The following FCN2 variants were observed in gnomAD, a reference collection of about 807,000 sequenced individuals.
The protein encoded by FCN2 is ficolin 2.
Under a neutral mutation model 32.5 loss-of-function variants are expected in FCN2, and 31 were observed. The ratio of observed to expected loss-of-function variants is 0.96; its 90% confidence interval spans 0.72 to 1.29. FCN2 has a LOEUF of 1.29. Among genes scored for constraint, FCN2 ranks in the 50% most tolerant of loss-of-function variants. The pLI, the probability that FCN2 is intolerant of heterozygous loss-of-function variation, is 0.00. For synonymous variants in FCN2, 181 were observed against 164.5 expected (o/e 1.10, Z -0.77); for missense variants, 412 against 406.5 (o/e 1.01, Z -0.12).
At chr9:134,880,357 C>T (rs1193149310), upstream of FCN2, among the ~76,000 whole-genome samples, 2 of 152,294 alleles carry the variant, frequency 1.3e-5, no homozygotes, top group Middle Eastern at 3.4e-3. Flanking sequence ...CAAGTCTGCT[C>T]ATGATGTGGT....
chr9:134,864,512 T>C, the FCN2 span, among the ~76,000 whole-genome samples: 9 of 152,034 alleles, frequency 5.9e-5, no homozygotes, highest in African/African-American at 2.2e-4. Context: ...GAGGTTACAG[T>C]GGGTGGCTGC....
intron 3 of FCN2, among the ~76,000 whole-genome samples, chr9:134,884,286 G>C (rs967379889): frequency 1.3e-5 from 2 of 152,070 alleles, no homozygotes; most frequent in African/African-American, 4.8e-5. Flanking sequence ...CTCAGAATAA[G>C]ACCACCCTAC....
At chr9:134,884,562 G>C (rs2133003895) in intron 3 of FCN2, among the ~76,000 whole-genome samples, 178 bp from the exon 4 acceptor site, 1 of 152,328 alleles carries the variant, frequency 6.6e-6, no homozygotes, top group East Asian at 1.9e-4. Flanking sequence ...GGCCAGTGTA[G>C]GCATCCCTCG....
At chr9:134,881,158 G>C (rs1249196726) in intron 1 of FCN2, among the ~76,000 whole-genome samples, 6 of 152,238 alleles carry the variant, frequency 3.9e-5, no homozygotes, top group African/African-American at 1.2e-4. Context: ...AACCGAGGCA[G>C]GTTTCCAGTC....
At chr9:134,864,927 A>G in the FCN2 span, among the ~76,000 whole-genome samples, 1 of 152,236 alleles carries the variant, frequency 6.6e-6, no homozygotes, top group African/African-American at 2.4e-5. Context: ...CAGAGCATGC[A>G]GCAGGGCCGT....
chr9:134,874,834 G>A, the FCN2 span, among the ~76,000 whole-genome samples: 1 of 152,122 alleles, frequency 6.6e-6, no homozygotes, highest in Non-Finnish European at 1.5e-5. Flanking sequence ...TCCTATCCAT[G>A]AACTAGGTAT....
At position 134,887,282 on chromosome 9, in the gene FCN2, G is replaced by T; in HGVS notation, c.809G>T (p.Cys270Phe). The change falls in exon 8 of 8, where the codon TGC becomes TTC. Residue 270 changes from cysteine to phenylalanine, a missense_variant. By Grantham distance (205) the Cys-to-Phe change is radical (BLOSUM62 -2). Coordinates refer to ENST00000291744, the MANE Select transcript of FCN2 (RefSeq NM_004108.3). ...MFQGAWWYKN[C>F]HVSNLNGRYL... ...CAGGGAGCTTGGTGGTACAAAAACT[G>T]CCATGTGTCAAACCTGAATGGTCGC... 1 of 1,614,178 alleles carries T rather than the reference G, an allele frequency of 6.2e-7. No individual in the cohort carries two copies.
At chr9:134,873,849 C>A in the FCN2 span, among the ~76,000 whole-genome samples, 1,283 of 150,684 alleles carry the variant, frequency 8.5e-3, 22 homozygotes, top group African/African-American at 0.03. Context: ...TTAACACAGT[C>A]TTTTAAATGG....
At chr9:134,873,369 T>C in the FCN2 span, among the ~76,000 whole-genome samples, 1 of 152,234 alleles carries the variant, frequency 6.6e-6, no homozygotes, top group East Asian at 1.9e-4. Context: ...TTCGTTGTCT[T>C]TTCCAGCTTT....
At chr9:134,873,302 A>C in the FCN2 span, among the ~76,000 whole-genome samples, 1 of 152,220 alleles carries the variant, frequency 6.6e-6, no homozygotes, top group African/African-American at 2.4e-5. Context: ...TCAGAAGCCT[A>C]AAATCAAGTT....
At chr9:134,864,416 C>A in the FCN2 span, among the ~76,000 whole-genome samples, 1 of 152,186 alleles carries the variant, frequency 6.6e-6, no homozygotes, top group Non-Finnish European at 1.5e-5. Context: ...AAGACAGCGG[C>A]CCTGAGGCTG....
chr9:134,886,265 C>A (rs1830753446), intron 6 of FCN2, among the ~76,000 whole-genome samples, 165 bp from the exon 7 acceptor site: 1 of 152,196 alleles, frequency 6.6e-6, no homozygotes, highest in African/African-American at 2.4e-5. Flanking sequence ...GCTCAGCACA[C>A]CCTGCCGGGT....
chr9:134,871,114 C>G, the FCN2 span, among the ~76,000 whole-genome samples: 1 of 152,194 alleles, frequency 6.6e-6, no homozygotes, highest in Non-Finnish European at 1.5e-5. Context: ...GCTACGAAAG[C>G]CCCTGAGTGG....
At chr9:134,868,233 A>T in the FCN2 span, 2 of 152,474 alleles carry the variant, frequency 1.3e-5, no homozygotes, top group East Asian at 3.9e-4. The surrounding 1 kb of genome is among the most constrained non-coding windows in gnomAD (Gnocchi z 4.3). Context: ...TGAGCAGGTG[A>T]TTCTGACACA....
the FCN2 span, among the ~76,000 whole-genome samples, chr9:134,870,582 C>T: frequency 6.6e-6 from 1 of 152,106 alleles, no homozygotes; most frequent in Admixed American, 6.5e-5. The surrounding 1 kb of genome is among the most constrained non-coding windows in gnomAD (Gnocchi z 4.3). Context: ...TGTACTGAGC[C>T]CCAAGCAGCC....
chr9:134,872,429 C>T, the FCN2 span, among the ~76,000 whole-genome samples: 1 of 152,084 alleles, frequency 6.6e-6, no homozygotes, highest in East Asian at 1.9e-4. Context: ...GGTTTCATTT[C>T]TCTCGGGTTA....
chr9:134,871,698 A>T, the FCN2 span, among the ~76,000 whole-genome samples: 1 of 152,118 alleles, frequency 6.6e-6, no homozygotes, highest in Non-Finnish European at 1.5e-5. Flanking sequence ...GATGGGCAGG[A>T]GTCCTGGCTG....
chr9:134,874,595 C>T, the FCN2 span, among the ~76,000 whole-genome samples: 129,375 of 152,248 alleles, frequency 0.85, 55,324 homozygotes, highest in East Asian at 0.98. Flanking sequence ...TCCAAACAAC[C>T]ATTTTCTTGA....
At chr9:134,884,667 C>T (rs1393209101) in intron 3 of FCN2, 73 bp from the exon 4 acceptor site, 43 of 1,459,868 alleles carry the variant, frequency 2.9e-5, no homozygotes, top group Non-Finnish European at 3.7e-5. Context: ...AAATGGTGTC[C>T]GCGGACCAAT....
Sources: gnomAD v4.1 joint callset for allele counts (sites outside exome capture counted in the v4.1 genomes callset) on GRCh38, gnomAD v4.1.1 for gene constraint, Gnocchi (gnomAD v3.1) non-coding constraint, MANE v1.5 for transcripts, NCBI Gene and HGNC (gene_info 2026-07-23, HGNC 2026-07-21) for gene names.